SPG11: variants seen among roughly 807,000 people sequenced by gnomAD.
SPG11 encodes SPG11 vesicle trafficking associated, spatacsin, also known as spatacsin.
Under a neutral mutation model 274.0 loss-of-function variants are expected in SPG11, and 222 were observed. The observed-to-expected ratio is 0.81, with a 90% confidence interval of 0.73 to 0.91. The LOEUF (loss-of-function observed/expected upper bound fraction) is 0.91. Among genes scored for constraint, SPG11 ranks in the 40% least tolerant of loss-of-function variants. The pLI is 0.00. For missense variants in SPG11, 3,114 were observed against 2,872.7 expected, an observed-to-expected ratio of 1.08 and a Z score of -1.92; for synonymous variants, 1,144 against 1,039.7, an observed-to-expected ratio of 1.10 and a Z score of -1.93.
rs1397338240 is a variant in SPG11, at chr15:44,567,421, C to T, written c.6754+3G>A. 4 of 1,612,484 alleles carry T rather than the reference C, an allele frequency of 2.5e-6. No individual in the cohort carries two copies. Among genetic ancestry groups the T allele is most frequent in the African/African-American group, 1.3e-5 (1 of 74,912 alleles). On this transcript the variant is annotated splice_donor_region_variant and intron_variant, in intron 36 of 39. Coordinates refer to ENST00000261866, the MANE Select transcript of SPG11 (RefSeq NM_025137.4). Reference sequence around the variant, plus strand: ...CTGGTAGTGTGGCTGTGACCTCACTCACCCCAGGGCTGAGACTCAATCAAT... The same window carrying T: ...CTGGTAGTGTGGCTGTGACCTCACTTACCCCAGGGCTGAGACTCAATCAAT...
At chr15:44,622,393 C>A in intron 12 of SPG11, 46 bp from the exon 13 acceptor site, 1 of 1,459,236 alleles carries the variant, frequency 6.9e-7, no homozygotes, top group South Asian at 1.2e-5. Flanking sequence ...AAAAATCAAG[C>A]ACTTTTGCAA....
intron 31 of SPG11, among the ~76,000 whole-genome samples, chr15:44,574,639 A>G (rs1012876481): frequency 2.6e-5 from 4 of 152,196 alleles, no homozygotes; most frequent in Non-Finnish European, 5.9e-5. Flanking sequence ...ATCATCATTT[A>G]TAGATGACGA....
intron 11 of SPG11, among the ~76,000 whole-genome samples, chr15:44,623,334 T>G (rs1294197267): frequency 6.6e-6 from 1 of 152,082 alleles, no homozygotes; most frequent in Non-Finnish European, 1.5e-5. Context: ...CAGAACAATT[T>G]AAGGCAATGC....
chr15:44,663,288 C>T (rs2085172603), intron 1 of SPG11, 103 bp downstream of exon 1: 1 of 1,478,562 alleles, frequency 6.8e-7, no homozygotes. Context: ...TCTCCCGCCA[C>T]CTCTATGGCT....
Position 44,609,217 on chromosome 15 carries a change from C to T in SPG11, c.3292-612G>A, listed in dbSNP as rs531549807. Among the ~76,000 whole-genome samples the T allele has an allele frequency of 9.2e-5, 14 of 151,922 alleles. No individual in the cohort carries two copies. In the East Asian group the frequency reaches 1.4e-3, roughly 15 times the overall value. On this transcript the variant is annotated intron_variant, in intron 18 of 39. Transcript: ENST00000261866. Reference sequence around the variant, plus strand: ...CGCGATCTCGGCTCACTGCAAGCTCCGCCTCCCGGGTTCAAGCAATTCTCC... The same window carrying T: ...CGCGATCTCGGCTCACTGCAAGCTCTGCCTCCCGGGTTCAAGCAATTCTCC...
chr15:44,638,333 G>A (rs1352121461), intron 7 of SPG11, among the ~76,000 whole-genome samples: 2 of 152,056 alleles, frequency 1.3e-5, no homozygotes, highest in Non-Finnish European at 2.9e-5. Context: ...GGTGGCAGGC[G>A]CCTGTAATCC....
intron 7 of SPG11, among the ~76,000 whole-genome samples, chr15:44,645,591 T>C (rs991223985): frequency 1.3e-5 from 2 of 152,012 alleles, no homozygotes; most frequent in East Asian, 1.9e-4. Context: ...CCAAAAGCAA[T>C]TGCAACAAAA....
intron 8 of SPG11, among the ~76,000 whole-genome samples, chr15:44,631,562 AAG>A (rs1323115230): frequency 1.3e-5 from 2 of 152,204 alleles, no homozygotes; most frequent in Non-Finnish European, 2.9e-5. Flanking sequence ...GCAAAGAAAA[AAG>A]AGCATATTAG....
rs779910156 is a variant in SPG11, at chr15:44,611,033, A to AGGGAT, written c.3146-49_3146-48insATCCC. Reference sequence around the variant, plus strand: ...TTTCTCCTTAAGAGGGATAAATACTAAATTAAGGATTACATAAATGTGAGA... The same window carrying AGGGAT: ...TTTCTCCTTAAGAGGGATAAATACTAGGGATAATTAAGGATTACATAAATGTGAGA... On this transcript the variant is annotated intron_variant, in intron 17 of 39. Coordinates refer to ENST00000261866, the MANE Select transcript of SPG11 (RefSeq NM_025137.4). The AGGGAT allele has an allele frequency of 1.9e-6, 3 of 1,538,502 alleles. No homozygotes were observed. The Admixed American group carries it at 5.0e-5, about 26-fold the overall frequency.
Position 44,659,165 on chromosome 15 carries a change from G to C in SPG11, c.581C>G (p.Pro194Arg). 6.2e-7 allele frequency: 1 copy of C among 1,614,212 alleles called. No homozygotes were observed. Among genetic ancestry groups the C allele is most frequent in the East Asian group, 2.2e-5 (1 of 44,878 alleles). ...CATGTCCACTGCCTGTGCAGGCAAG[G>C]GAAGTGTGAAACAGTTGAGTACTCT... is the stretch of plus-strand genomic sequence containing the variant. ...AIRVLNCFTL[P>R]LPAQAVDMII... Residue 194 changes from proline to arginine, a missense_variant, in exon 3 of 40, where the codon CCC (proline) becomes CGC (arginine). Coordinates refer to ENST00000261866, the MANE Select transcript of SPG11 (RefSeq NM_025137.4).
chr15:44,593,754 C>CTTT (rs112815798), intron 26 of SPG11, among the ~76,000 whole-genome samples: 1 of 135,566 alleles, frequency 7.4e-6, no homozygotes, highest in Admixed American at 7.5e-5. Flanking sequence ...TTCATAATAT[C>CTTT]TTTTTTTTTT....
intron 1 of SPG11, among the ~76,000 whole-genome samples, chr15:44,661,685 C>T (rs1156883717): frequency 3.3e-5 from 5 of 151,772 alleles, no homozygotes; most frequent in African/African-American, 1.2e-4. Flanking sequence ...GTCAAATATA[C>T]AAAAGGTTAA....
intron 7 of SPG11, among the ~76,000 whole-genome samples, chr15:44,634,171 T>TA (rs2084168439): frequency 6.6e-6 from 1 of 152,132 alleles, no homozygotes; most frequent in Admixed American, 6.6e-5. Context: ...AGGAGGTTAT[T>TA]AGACTACAAA....
chr15:44,644,610 A>G (rs2084552511), intron 7 of SPG11, among the ~76,000 whole-genome samples: 1 of 152,212 alleles, frequency 6.6e-6, no homozygotes, highest in African/African-American at 2.4e-5. Flanking sequence ...AAGGCATCCA[A>G]ATAGGAAGAG....
intron 36 of SPG11, among the ~76,000 whole-genome samples, chr15:44,566,939 G>A (rs369068261): frequency 1.3e-4 from 20 of 152,016 alleles, no homozygotes; most frequent in African/African-American, 4.8e-4. Flanking sequence ...CTGAGCTCAG[G>A]CAATCCACCT....
At position 44,585,777 on chromosome 15, in the gene SPG11, A is replaced by C. The variant is rs1381969272; in HGVS notation, c.4980T>G (p.Ile1660Met). 1 of 1,613,996 alleles carries C rather than the reference A, an allele frequency of 6.2e-7. No individual in the cohort carries two copies. The highest frequency in any genetic ancestry group is 1.3e-5 in the African/African-American group (1 of 74,910). ...KDTSIAINHTIITSYSIENLQ... is the reference protein window; with the variant it reads ...KDTSIAINHTMITSYSIENLQ... ...GATTCTCAATGCTGTAGCTGGTAATAATTGTATGATTAATGGCTATGGATG... is the reference window on the plus strand; with the variant it reads ...GATTCTCAATGCTGTAGCTGGTAATCATTGTATGATTAATGGCTATGGATG... Residue 1660 changes from isoleucine (I) to methionine (M), a missense_variant, in exon 29 of 40, where the codon ATT (isoleucine) becomes ATG (methionine). Ile to Met is a conservative substitution (Grantham distance 10). Coordinates refer to ENST00000261866, the MANE Select transcript of SPG11 (RefSeq NM_025137.4).
intron 39 of SPG11, among the ~76,000 whole-genome samples, chr15:44,564,127 G>A (rs139460787): frequency 0.012 from 1,803 of 152,210 alleles, 29 homozygotes; most frequent in East Asian, 0.042. Flanking sequence ...CGAGTAGCTG[G>A]GACTACAGGT....
rs1470369075 is a variant in SPG11 at position 44,584,097 on chromosome 15, T to C, written c.5583A>G (p.Pro1861=). The C allele has an allele frequency of 6.2e-7, 1 of 1,614,142 alleles. No homozygotes were observed. Among genetic ancestry groups the C allele is most frequent in the Non-Finnish European group, 8.5e-7 (1 of 1,180,060 alleles). Residue 1861 remains proline, a synonymous_variant, in exon 30 of 40, where the codon CCA becomes CCG. Coordinates refer to ENST00000261866, the MANE Select transcript of SPG11 (RefSeq NM_025137.4). ...ATCTATTCTCGCATGTCTCTTTGGATGGAAGGCTGTTAAGTTCTAAGTATT... is the reference window on the plus strand; with the variant it reads ...ATCTATTCTCGCATGTCTCTTTGGACGGAAGGCTGTTAAGTTCTAAGTATT... ...TSKYLELNSL[P]SKETCENRLD...
chr15:44,627,567 C>CA (rs900675806), intron 10 of SPG11, among the ~76,000 whole-genome samples: 1 of 149,782 alleles, frequency 6.7e-6, no homozygotes, highest in African/African-American at 2.4e-5. Context: ...AAAAAGGAGA[C>CA]AAAAAAGTAG....
Sources: allele counts gnomAD v4.1 joint callset (sites outside exome capture counted in the v4.1 genomes callset), GRCh38; gene constraint gnomAD v4.1.1; transcripts MANE v1.5; gene names NCBI Gene and HGNC (gene_info 2026-07-23, HGNC 2026-07-21).